The following KLHL32 variants were observed in gnomAD, a reference collection of about 807,000 sequenced individuals.
The protein encoded by KLHL32 is kelch like family member 32, also known as kelch-like protein 32.
KLHL32 carries 35 observed loss-of-function variants against 64.8 expected under a neutral mutation model. The observed-to-expected ratio is 0.54, with a 90% CI of 0.41 to 0.72. KLHL32 has a LOEUF of 0.72. Among genes scored for constraint, KLHL32 ranks in the 30% least tolerant of loss-of-function variants. The probability of loss-of-function intolerance (pLI) is 0.00; values close to 1 mark genes in which losing one functional copy is unlikely to be tolerated. For missense variants in KLHL32, 589 were observed against 768.5 expected, an observed-to-expected ratio of 0.77 and a Z score of 2.76; for synonymous variants, 259 against 281.0, an observed-to-expected ratio of 0.92 and a Z score of 0.78.
chr6:97,035,103 T>C (rs1303837634), intron 3 of KLHL32, among the ~76,000 whole-genome samples: 1 of 152,080 alleles, frequency 6.6e-6, no homozygotes, highest in Non-Finnish European at 1.5e-5. Context: ...AGTATTTGCC[T>C]TGATTCTTCT....
intron 1 of KLHL32, among the ~76,000 whole-genome samples, chr6:96,957,437 A>T (rs1773402718): frequency 6.6e-6 from 1 of 152,196 alleles, no homozygotes; most frequent in African/African-American, 2.4e-5. Flanking sequence ...TATGTTATTT[A>T]TCATACAAAT....
intron 5 of KLHL32, among the ~76,000 whole-genome samples, chr6:97,081,843 C>A (rs552531741): frequency 6.6e-6 from 1 of 152,272 alleles, no homozygotes; most frequent in African/African-American, 2.4e-5. Context: ...ATCTGTGTTG[C>A]CAATTCCTGC....
chr6:97,058,078 A>C (rs1026234664), intron 4 of KLHL32, among the ~76,000 whole-genome samples: 1 of 151,952 alleles, frequency 6.6e-6, no homozygotes, highest in Non-Finnish European at 1.5e-5. Flanking sequence ...TCTGTTTCTG[A>C]GCTCTCTGTT....
intron 6 of KLHL32, among the ~76,000 whole-genome samples, chr6:97,096,385 C>A (rs80092522): frequency 6.6e-6 from 1 of 152,194 alleles, no homozygotes; most frequent in African/African-American, 2.4e-5. Flanking sequence ...ATACTCCCAC[C>A]ATTGGCTCGT....
Position 97,044,895 on chromosome 6 carries a change from TCTC to T in KLHL32, c.312+3297_312+3299del, listed in dbSNP as rs763190295. On this transcript the variant is annotated intron_variant, in intron 4 of 10. Coordinates refer to ENST00000369261, the MANE Select transcript of KLHL32 (RefSeq NM_052904.4). ...TTTCTGATTTTATTTATTTGAATCT[TCTC>T]GTTTTTTTTCTTAGTCTGGCTAAAG... Among the ~76,000 whole-genome samples the T allele has an allele frequency of 5.9e-5, 9 of 152,166 alleles. No individual in the cohort carries two copies. In the East Asian group the frequency reaches 9.6e-4, roughly 16 times the overall value.
chr6:97,051,438 G>A (rs988867889), intron 4 of KLHL32, among the ~76,000 whole-genome samples: 30 of 152,176 alleles, frequency 2.0e-4, no homozygotes, highest in African/African-American at 6.8e-4. Context: ...AGTAGAAATG[G>A]CGAGTATCCA....
intron 7 of KLHL32, among the ~76,000 whole-genome samples, chr6:97,119,698 C>T (rs913786787): frequency 1.3e-5 from 2 of 152,142 alleles, no homozygotes; most frequent in African/African-American, 2.4e-5. Flanking sequence ...AACTTCATTC[C>T]CCGAATCTGA....
At chr6:96,952,710 C>T (rs577310301) in intron 1 of KLHL32, among the ~76,000 whole-genome samples, 3 of 152,344 alleles carry the variant, frequency 2.0e-5, no homozygotes, top group East Asian at 1.9e-4. Context: ...TAATCATTTA[C>T]TGCACTGTAG....
intron 10 of KLHL32, 104 bp from the exon 11 acceptor site, chr6:97,139,017 G>A: frequency 1.9e-6 from 2 of 1,037,702 alleles, no homozygotes; most frequent in South Asian, 1.7e-5. Context: ...ATATGGTGAT[G>A]GTGACATAAC....
At chr6:97,028,149 G>A (rs1352530348) in intron 3 of KLHL32, among the ~76,000 whole-genome samples, 1 of 152,062 alleles carries the variant, frequency 6.6e-6, no homozygotes, top group African/African-American at 2.4e-5. Context: ...TTATGTGCAT[G>A]TGGTTCACCT....
intron 2 of KLHL32, 91 bp from the exon 3 acceptor site, chr6:96,975,906 T>C (rs1775637527): frequency 7.0e-6 from 7 of 993,902 alleles, no homozygotes; most frequent in Non-Finnish European, 1.0e-5. Flanking sequence ...GGAACCCGTG[T>C]TGCCTCAGTC....
chr6:96,971,974 T>C (rs900821562), intron 2 of KLHL32, among the ~76,000 whole-genome samples: 5 of 152,080 alleles, frequency 3.3e-5, no homozygotes, highest in Non-Finnish European at 1.5e-5. Context: ...TGCCTTAGCC[T>C]CCTGAGTAGC....
chr6:97,031,852 T>C (rs1026460286), intron 3 of KLHL32, among the ~76,000 whole-genome samples: 19 of 152,298 alleles, frequency 1.2e-4, no homozygotes, highest in Admixed American at 1.2e-3. Flanking sequence ...AGCAGTTGAG[T>C]GGAGGGTGCT....
At chr6:96,997,755 C>A (rs561342037) in intron 3 of KLHL32, among the ~76,000 whole-genome samples, 2 of 152,110 alleles carry the variant, frequency 1.3e-5, no homozygotes, top group South Asian at 4.2e-4. Flanking sequence ...ACAAAAAAAA[C>A]CATACAAGAG....
At chr6:96,963,263 G>C (rs998429558) in intron 1 of KLHL32, among the ~76,000 whole-genome samples, 1 of 152,138 alleles carries the variant, frequency 6.6e-6, no homozygotes, top group African/African-American at 2.4e-5. Context: ...GGGGCTTCTG[G>C]ATGGGAAAGA....
At chr6:96,950,998 C>CA (rs975789210) in intron 1 of KLHL32, among the ~76,000 whole-genome samples, 3 of 150,432 alleles carry the variant, frequency 2.0e-5, no homozygotes, top group Non-Finnish European at 3.0e-5. Context: ...TCAGTTTGAA[C>CA]AAAAAAAAAG....
chr6:97,079,555 C>G (rs986340062), intron 5 of KLHL32, among the ~76,000 whole-genome samples: 1 of 151,948 alleles, frequency 6.6e-6, no homozygotes, highest in Admixed American at 6.6e-5. Flanking sequence ...GGGAAAGAGG[C>G]CACACAGAAA....
At chr6:96,924,064 T>G (rs1418306684), upstream of KLHL32, among the ~76,000 whole-genome samples, 1 of 152,210 alleles carries the variant, frequency 6.6e-6, no homozygotes, top group Non-Finnish European at 1.5e-5. Flanking sequence ...TTCTCAGGCT[T>G]GGGGATTTCG....
chr6:96,976,312 G>A, intron 3 of KLHL32, 135 bp downstream of exon 3: 1 of 789,314 alleles, frequency 1.3e-6, no homozygotes, highest in Non-Finnish European at 1.9e-6. Flanking sequence ...GTTCTTTCCT[G>A]GGTAGAATGC....
Sources: allele counts gnomAD v4.1 joint callset (sites outside exome capture counted in the v4.1 genomes callset), GRCh38; gene constraint gnomAD v4.1.1; transcripts MANE v1.5; gene names NCBI Gene and HGNC (gene_info 2026-07-23, HGNC 2026-07-21).